The following DACH2 variants were observed in gnomAD, a reference collection of about 807,000 sequenced individuals.
DACH2 encodes the protein dachshund homolog 2.
In DACH2, 17 loss-of-function variants were observed where a neutral mutation model predicts 35.8. The ratio of observed to expected loss-of-function variants is 0.48; its 90% CI spans 0.33 to 0.71. The LOEUF (loss-of-function observed/expected upper bound fraction) is 0.71. DACH2 is among the 30% of genes least tolerant of loss of function. DACH2 has a pLI of 0.02. For synonymous variants in DACH2, 195 were observed against 177.3 expected, an observed-to-expected ratio of 1.10 and a Z score of -0.79; for missense variants, 469 against 472.7, an observed-to-expected ratio of 0.99 and a Z score of 0.07.
At chrX:86,234,868 C>T (rs2033024386) in intron 1 of DACH2, among the ~76,000 whole-genome samples, 1 of 111,349 alleles carries the variant, frequency 9.0e-6, no homozygotes, top group African/African-American at 3.3e-5. Flanking sequence ...CCGCCTCGAC[C>T]TCCCAAGGTG....
intron 2 of DACH2, among the ~76,000 whole-genome samples, chrX:86,438,739 T>C (rs1171577526): frequency 8.9e-6 from 1 of 112,368 alleles, no homozygotes; most frequent in African/African-American, 3.2e-5. Context: ...CTGGATCAAA[T>C]TGTATTTCTG....
chrX:86,308,174 G>A (rs899667495), intron 1 of DACH2, among the ~76,000 whole-genome samples: 40 of 112,494 alleles, frequency 3.6e-4, no homozygotes, highest in African/African-American at 1.2e-3. Flanking sequence ...CCCATGCCTT[G>A]TGAAATAGAT....
intron 4 of DACH2, among the ~76,000 whole-genome samples, chrX:86,656,487 G>C (rs758386035): frequency 9.1e-6 from 1 of 110,298 alleles, no homozygotes; most frequent in Non-Finnish European, 1.9e-5. Flanking sequence ...TGCTTCTAAT[G>C]TTTGAATCAA....
chrX:86,473,531 C>T (rs2037793182), intron 2 of DACH2, among the ~76,000 whole-genome samples: 1 of 111,377 alleles, frequency 9.0e-6, no homozygotes, highest in African/African-American at 3.3e-5. Flanking sequence ...CACTACCCTT[C>T]CAAGCCTCTG....
At chrX:86,358,273 G>A (rs771313728) in intron 1 of DACH2, among the ~76,000 whole-genome samples, 105 of 111,769 alleles carry the variant, frequency 9.4e-4, no homozygotes, top group Middle Eastern at 4.6e-3. Flanking sequence ...GTTTAGATCT[G>A]TATTCTAGCT....
chrX:86,592,627 A>C (rs1029618809), intron 3 of DACH2, among the ~76,000 whole-genome samples: 10 of 112,137 alleles, frequency 8.9e-5, no homozygotes, highest in Non-Finnish European at 1.7e-4. Context: ...CTGATATCTT[A>C]ATTATATTAA....
intron 4 of DACH2, among the ~76,000 whole-genome samples, chrX:86,660,532 G>A (rs1194039309): frequency 4.5e-5 from 5 of 111,887 alleles, no homozygotes; most frequent in Non-Finnish European, 9.4e-5. Context: ...TACAACCTTT[G>A]AGGATACTAT....
intron 2 of DACH2, among the ~76,000 whole-genome samples, chrX:86,483,156 C>A (rs2037967627): frequency 1.0e-5 from 1 of 99,279 alleles, no homozygotes; most frequent in Non-Finnish European, 2.0e-5. Flanking sequence ...AAAAAACAAG[C>A]ATAAAAAAAA....
At chrX:86,624,060 C>CAAA (rs34140706) in intron 3 of DACH2, among the ~76,000 whole-genome samples, 38 of 36,023 alleles carry the variant, frequency 1.1e-3, no homozygotes, top group East Asian at 3.4e-3. Flanking sequence ...AAAAACAAAA[C>CAAA]AAAAAAAAAA....
intron 1 of DACH2, among the ~76,000 whole-genome samples, chrX:86,190,325 A>G (rs2031794245): frequency 9.0e-6 from 1 of 111,433 alleles, no homozygotes; most frequent in Non-Finnish European, 1.9e-5. Context: ...GGTTACAGAA[A>G]CTTCTATACT....
chrX:86,338,272 A>G (rs1226111269), intron 1 of DACH2, among the ~76,000 whole-genome samples: 1 of 112,025 alleles, frequency 8.9e-6, no homozygotes, highest in African/African-American at 3.2e-5. Flanking sequence ...CATTCTTCTC[A>G]GCACCACATT....
intron 2 of DACH2, among the ~76,000 whole-genome samples, chrX:86,391,702 A>G (rs1011943093): frequency 1.8e-5 from 2 of 111,493 alleles, no homozygotes; most frequent in African/African-American, 6.5e-5. Flanking sequence ...TTATTGATAC[A>G]TTCCCTACAA....
rs376669308 is a variant in DACH2, at chrX:86,321,596, C to T, written c.489-55228C>T. 2.1e-4 allele frequency among the ~76,000 whole-genome samples: 23 copies of T among 111,915 alleles called. No homozygotes were observed. The South Asian group carries it at 8.3e-3, about 40-fold the overall frequency. ...TCAGGATTGTCAAGAAGTATAGCCT[C>T]TCTACCTATTGGGAGTGGTTTTTCC... On this transcript the variant is annotated intron_variant, in intron 1 of 11. Transcript: ENST00000373125.
chrX:86,240,819 C>G (rs954901447), intron 1 of DACH2, among the ~76,000 whole-genome samples: 1 of 109,784 alleles, frequency 9.1e-6, no homozygotes, highest in Non-Finnish European at 1.9e-5. Context: ...CTCACAATAT[C>G]TGATGGTTTA....
At chrX:86,307,071 T>A (rs2034703367) in intron 1 of DACH2, among the ~76,000 whole-genome samples, 1 of 111,154 alleles carries the variant, frequency 9.0e-6, no homozygotes. Context: ...AGGCAAGGAG[T>A]TTAGTGACTC....
At chrX:86,794,757 A>G (rs1266347529) in intron 7 of DACH2, among the ~76,000 whole-genome samples, 2 of 111,919 alleles carry the variant, frequency 1.8e-5, no homozygotes, top group South Asian at 3.7e-4. Context: ...TAGCAGTGGC[A>G]ATAAAGCAAT....
At chrX:86,725,341 T>A (rs1460018761) in intron 6 of DACH2, among the ~76,000 whole-genome samples, 2 of 111,715 alleles carry the variant, frequency 1.8e-5, no homozygotes, top group Non-Finnish European at 3.8e-5. Context: ...TGTATATATG[T>A]TATTGGTTGA....
intron 4 of DACH2, among the ~76,000 whole-genome samples, chrX:86,691,157 T>C (rs1384772296): frequency 1.8e-5 from 2 of 111,608 alleles, no homozygotes; most frequent in African/African-American, 6.5e-5. Context: ...CTCTCCTCTT[T>C]ACTGGAGGAA....
intron 5 of DACH2, among the ~76,000 whole-genome samples, chrX:86,702,837 A>C (rs1450269997): frequency 9.0e-6 from 1 of 111,499 alleles, no homozygotes; most frequent in Non-Finnish European, 1.9e-5. Flanking sequence ...AGCCAAATTC[A>C]CTGGACCTTC....
Sources: allele counts gnomAD v4.1 joint callset (sites outside exome capture counted in the v4.1 genomes callset), GRCh38; gene constraint gnomAD v4.1.1; transcripts MANE v1.5; gene names NCBI Gene and HGNC (gene_info 2026-07-23, HGNC 2026-07-21).